ACAP2: variants seen among roughly 807,000 people sequenced by gnomAD.
ACAP2 encodes the protein arf-GAP with coiled-coil, ANK repeat and PH domain-containing protein 2.
A neutral mutation model predicts 115.8 loss-of-function variants in ACAP2; 39 were observed. The observed-to-expected ratio is 0.34, with a 90% CI of 0.26 to 0.44. ACAP2 has a LOEUF of 0.44. Among genes scored for constraint, ACAP2 ranks in the 20% least tolerant of loss-of-function variants. The pLI is 1.00. For missense variants in ACAP2, 662 were observed against 927.6 expected (o/e 0.71, Z 3.72); for synonymous variants, 289 against 315.8 (o/e 0.92, Z 0.90).
chr3:195,288,761 G>A (rs1206649690), intron 21 of ACAP2, among the ~76,000 whole-genome samples: 1 of 152,154 alleles, frequency 6.6e-6, no homozygotes, highest in Non-Finnish European at 1.5e-5. Context: ...GGGAGGCTGA[G>A]GCAGGAGAAT....
At chr3:195,423,911 GC>G (rs1018134057) in intron 1 of ACAP2, among the ~76,000 whole-genome samples, 41 of 151,920 alleles carry the variant, frequency 2.7e-4, no homozygotes, top group African/African-American at 9.9e-4. Flanking sequence ...AAACAATGGA[GC>G]CTCTTGTTTA....
chr3:195,427,145 T>C (rs1018820977), intron 1 of ACAP2, among the ~76,000 whole-genome samples: 2 of 152,078 alleles, frequency 1.3e-5, no homozygotes, highest in African/African-American at 4.8e-5. Flanking sequence ...GCTTTGGAGA[T>C]GGAAAGGGGC....
rs202072093 is a variant in ACAP2 at position 195,355,412 on chromosome 3, A to G, written c.286-10095T>C. On this transcript the variant is annotated intron_variant, in intron 4 of 22. Transcript: ENST00000326793. ...CTACTGGTATCTAAGTCTCCAGTCT[A>G]TACTTTCCCAGGAGAAAATTCACAC... is the stretch of plus-strand genomic sequence containing the variant. Among the ~76,000 whole-genome samples the G allele has an allele frequency of 7.3e-5, 11 of 151,414 alleles. No homozygotes were observed. In the East Asian group the frequency reaches 2.2e-3, roughly 30 times the overall value.
intron 4 of ACAP2, among the ~76,000 whole-genome samples, chr3:195,376,024 C>A (rs1167173981): frequency 6.6e-6 from 1 of 152,096 alleles, no homozygotes; most frequent in African/African-American, 2.4e-5. Flanking sequence ...CTCTTCAAAC[C>A]AATTCTAATA....
intron 1 of ACAP2, among the ~76,000 whole-genome samples, chr3:195,405,610 C>T (rs1450378639): frequency 6.6e-6 from 1 of 151,642 alleles, no homozygotes; most frequent in African/African-American, 2.4e-5. Context: ...TGCTTGAACC[C>T]AGGAGGCGGA....
intron 1 of ACAP2, among the ~76,000 whole-genome samples, chr3:195,440,660 GC>G (rs1715923243): frequency 6.6e-6 from 1 of 152,134 alleles, no homozygotes; most frequent in South Asian, 2.1e-4. Context: ...CAAAAGTAAA[GC>G]TCTTCTTATA....
intron 1 of ACAP2, among the ~76,000 whole-genome samples, chr3:195,419,179 G>A: frequency 6.6e-6 from 1 of 152,128 alleles, no homozygotes. Flanking sequence ...TCTAATTTTA[G>A]AACATTTCAT....
intron 1 of ACAP2, among the ~76,000 whole-genome samples, chr3:195,432,504 A>C (rs1186839237): frequency 6.6e-6 from 1 of 152,214 alleles, no homozygotes; most frequent in Non-Finnish European, 1.5e-5. Context: ...CCATAAATGC[A>C]AGGCTTTGTT....
intron 2 of ACAP2, among the ~76,000 whole-genome samples, chr3:195,387,756 C>G (rs1032945997): frequency 1.3e-5 from 2 of 152,186 alleles, no homozygotes; most frequent in African/African-American, 4.8e-5. Context: ...ACTCCCAGCC[C>G]ATTTTTCCCC....
chr3:195,419,246 T>C (rs1713981268), intron 1 of ACAP2, among the ~76,000 whole-genome samples: 1 of 152,212 alleles, frequency 6.6e-6, no homozygotes, highest in Non-Finnish European at 1.5e-5. Flanking sequence ...CCTCTTTCCC[T>C]GCGCCCAGCC....
chr3:195,432,631 A>G (rs1442443435), intron 1 of ACAP2, among the ~76,000 whole-genome samples: 2 of 152,188 alleles, frequency 1.3e-5, no homozygotes, highest in Non-Finnish European at 2.9e-5. Context: ...GAATCCTCCA[A>G]CTTCGTTCTT....
At chr3:195,433,845 G>C (rs1452710908) in intron 1 of ACAP2, among the ~76,000 whole-genome samples, 2 of 152,132 alleles carry the variant, frequency 1.3e-5, no homozygotes, top group African/African-American at 4.8e-5. Flanking sequence ...TATTCAGTTT[G>C]CTAGTACTTT....
chr3:195,421,506 G>A (rs533381514), intron 1 of ACAP2, among the ~76,000 whole-genome samples: 4 of 152,256 alleles, frequency 2.6e-5, no homozygotes, highest in South Asian at 2.1e-4. Context: ...CAGCTGCTGC[G>A]TTCAAACCAA....
chr3:195,381,113 T>C (rs754375425), intron 3 of ACAP2, 51 bp from the exon 4 acceptor site: 42 of 1,416,106 alleles, frequency 3.0e-5, no homozygotes, highest in Non-Finnish European at 3.6e-5. Flanking sequence ...GCCACTTAAA[T>C]AGGTCACAAA....
intron 15 of ACAP2, among the ~76,000 whole-genome samples, 196 bp from the exon 16 acceptor site, chr3:195,297,477 T>G (rs1384584047): frequency 6.6e-6 from 1 of 152,206 alleles, no homozygotes; most frequent in Non-Finnish European, 1.5e-5. Context: ...TTGCTGTTCT[T>G]CACCAAATTA....
chr3:195,395,383 T>C (rs900610659), intron 1 of ACAP2, among the ~76,000 whole-genome samples: 20 of 152,108 alleles, frequency 1.3e-4, no homozygotes, highest in African/African-American at 4.8e-4. Flanking sequence ...GAGAAGACAA[T>C]GAGCACAGTC....
At chr3:195,332,347 T>C (rs879529568) in intron 8 of ACAP2, among the ~76,000 whole-genome samples, 1 of 152,106 alleles carries the variant, frequency 6.6e-6, no homozygotes, top group Non-Finnish European at 1.5e-5. Flanking sequence ...ATGTATAAAA[T>C]TTAAATATAA....
chr3:195,294,606 A>ATTT lies in ACAP2; in HGVS notation c.1765+112_1765+113insAAA, dbSNP rs1429554334. 3.6e-3 allele frequency: 328 copies of ATTT among 91,850 alleles called. 4 individuals carry two copies. The highest frequency in any genetic ancestry group is 0.016 in the African/African-American group (319 of 19,580). The allele number at this position is 91,850 out of a possible 1,614,324, so 5.7% of individuals were successfully genotyped here. A position where few individuals can be genotyped will look rare whatever the true frequency, so the allele number is the denominator to read the frequency against. On this transcript the variant is annotated intron_variant, in intron 18 of 22. Transcript: ENST00000326793. The stretch of plus-strand genomic sequence containing the variant: ...AAAAAAAAGAAGAAAAAAAAAAAAA[A>ATTT]AATTATATATATATATATATATATA...
At chr3:195,370,021 A>G (rs1733013054) in intron 4 of ACAP2, among the ~76,000 whole-genome samples, 1 of 152,162 alleles carries the variant, frequency 6.6e-6, no homozygotes, top group Non-Finnish European at 1.5e-5. Flanking sequence ...GATACTCAAC[A>G]TTTCTTCACA....
Sources: gnomAD v4.1 joint callset for allele counts (sites outside exome capture counted in the v4.1 genomes callset) on GRCh38, gnomAD v4.1.1 for gene constraint, MANE v1.5 for transcripts, NCBI Gene and HGNC (gene_info 2026-07-23, HGNC 2026-07-21) for gene names.